Variants in CCDC9 observed in about 807,000 individuals in gnomAD.
The protein encoded by CCDC9 is coiled-coil domain containing 9.
In CCDC9, 52 loss-of-function variants were observed where a neutral mutation model predicts 65.6. The observed-to-expected ratio is 0.79, with a 90% CI of 0.63 to 1.00. The LOEUF is 1.00. Ranked by LOEUF, CCDC9 falls within the 50% of genes least tolerant of loss-of-function variation. The pLI, the probability that CCDC9 is intolerant of heterozygous loss-of-function variation, is 0.00. For missense variants in CCDC9, 834 were observed against 757.2 expected (o/e 1.10, Z -1.19); for synonymous variants, 332 against 280.3 (o/e 1.18, Z -1.84).
chr19:47,264,248 T>C (rs2059065060), intron 5 of CCDC9, among the ~76,000 whole-genome samples: 1 of 152,226 alleles, frequency 6.6e-6, no homozygotes, highest in Admixed American at 6.5e-5. Context: ...ACTCCTGGGC[T>C]GAAGCAATCC....
chr19:47,261,137 C>A (rs2059043161), intron 5 of CCDC9, among the ~76,000 whole-genome samples: 1 of 152,062 alleles, frequency 6.6e-6, no homozygotes, highest in African/African-American at 2.4e-5. Context: ...CCTTCCCTCC[C>A]CTCTCCTGCT....
At chr19:47,258,974 G>T (rs373782115) in intron 3 of CCDC9, among the ~76,000 whole-genome samples, 27 of 152,216 alleles carry the variant, frequency 1.8e-4, no homozygotes, top group African/African-American at 5.5e-4. Flanking sequence ...TGTCCTCAGG[G>T]ATGCCCCAGA....
chr19:47,267,852 T>A (rs1215830453), intron 8 of CCDC9, among the ~76,000 whole-genome samples: 1 of 152,074 alleles, frequency 6.6e-6, no homozygotes, highest in African/African-American at 2.4e-5. Flanking sequence ...CCTTTTTTTT[T>A]TTACTTTTTT....
At chr19:47,271,226 G>T (rs781424144) in intron 11 of CCDC9, 39 bp downstream of exon 11, 2 of 1,607,328 alleles carry the variant, frequency 1.2e-6, no homozygotes, top group East Asian at 2.2e-5. Context: ...GGCCTGGGGT[G>T]GGGGCTCAGG....
At chr19:47,275,650 T>G, downstream of CCDC9, 1 of 437,734 alleles carries the variant, frequency 2.3e-6, no homozygotes, top group Admixed American at 4.3e-5. Flanking sequence ...CCTCTTCACC[T>G]CCCTGAATCC....
intron 5 of CCDC9, among the ~76,000 whole-genome samples, chr19:47,263,768 G>C (rs996163730): frequency 3.9e-5 from 6 of 152,024 alleles, no homozygotes; most frequent in African/African-American, 1.4e-4. Context: ...GTTTCACCAT[G>C]TTGGCCAGGC....
In CCDC9 at chr19:47,271,437, C is replaced by T; in HGVS notation, c.1355C>T (p.Ala452Val). 1 of 1,613,902 alleles carries T rather than the reference C, an allele frequency of 6.2e-7. No homozygotes were observed. The highest frequency in any genetic ancestry group is 1.1e-5 in the South Asian group (1 of 91,080). The change falls in exon 12 of 12, where the codon GCC becomes GTC. Residue 452 changes from alanine to valine, a missense_variant. Transcript: ENST00000221922. The part of the protein sequence containing the change: ...DEEEPAQDHQ[A>V]PEAAPTGIPC... Reference sequence around the variant, plus strand: ...GAGGAACCAGCCCAAGACCACCAAGCCCCAGAGGCTGCCCCCACCGGGATC... The same window carrying T: ...GAGGAACCAGCCCAAGACCACCAAGTCCCAGAGGCTGCCCCCACCGGGATC...
At chr19:47,266,971 T>C (rs898134424) in intron 8 of CCDC9, among the ~76,000 whole-genome samples, 179 bp downstream of exon 8, 7 of 145,446 alleles carry the variant, frequency 4.8e-5, no homozygotes, top group African/African-American at 1.5e-4. Flanking sequence ...TCTGGTTTTC[T>C]TTTTTTTTTT....
rs772431480 is a variant in CCDC9, at chr19:47,260,714, G to A, written c.337G>A (p.Glu113Lys). The A allele has an allele frequency of 6.3e-7, 1 of 1,583,840 alleles. No individual in the cohort carries two copies. The highest frequency in any genetic ancestry group is 1.2e-5 in the South Asian group (1 of 86,730). The change falls in exon 5 of 12, where the codon GAG (glutamate) becomes AAG (lysine). Residue 113 changes from glutamate to lysine, a missense_variant. By Grantham distance (56) the Glu-to-Lys change is moderately conservative. Transcript: ENST00000221922. ...CATGGGCCGAGCATCGCGCAGCTGG[G>A]AGGGCAGCCCCGGGGAGCAGCCTCG... ...AGMGRASRSWEGSPGEQPRGG... is the reference protein window; with the variant it reads ...AGMGRASRSWKGSPGEQPRGG...
In CCDC9 at chr19:47,271,932, A is replaced by T. The variant is rs1568643270; in HGVS notation, c.*254A>T. ...CCCAGCCCTTCGAGCCCCCTCCCCA[A>T]TAAAGAATTCACATCCTCCAATGAC... On this transcript the variant is annotated 3_prime_UTR_variant, in exon 12 of 12. Coordinates refer to ENST00000221922, the MANE Select transcript of CCDC9 (RefSeq NM_015603.3). 7.7e-7 allele frequency: 1 copy of T among 1,297,976 alleles called. No homozygotes were observed. The highest frequency in any genetic ancestry group is 9.8e-7 in the Non-Finnish European group (1 of 1,025,168). 80.4% of individuals were successfully genotyped at this position (1,297,976 alleles called of 1,614,324 possible). A position where few individuals can be genotyped will look rare whatever the true frequency, so the allele number is the denominator to read the frequency against.
rs1450380001 is a variant in CCDC9, at chr19:47,271,664, T to C, written c.1582T>C (p.Phe528Leu). ...CCTCTCCCCGGGTGAGGCCTGGCCT[T>C]TTGAGAGTGTATGAAGCTGGCTGCC... The part of the protein sequence containing the change: ...GALSPGEAWP[F>L]ESV The change falls in exon 12 of 12, where the codon TTT (phenylalanine) becomes CTT (leucine). Residue 528 changes from phenylalanine (F) to leucine (L), a missense_variant. Transcript: ENST00000221922. The C allele has an allele frequency of 6.3e-7, 1 of 1,594,142 alleles. No homozygotes were observed. The highest frequency in any genetic ancestry group is 8.5e-7 in the Non-Finnish European group (1 of 1,170,750).
At chr19:47,258,280 G>A (rs2059023774) in intron 1 of CCDC9, 50 bp from the exon 2 acceptor site, 1 of 997,520 alleles carries the variant, frequency 1.0e-6, no homozygotes, top group Non-Finnish European at 1.6e-6. Context: ...AGAGGGTGAA[G>A]TAGGTTGGGG....
intron 7 of CCDC9, among the ~76,000 whole-genome samples, chr19:47,265,922 G>T (rs1485406028): frequency 7.0e-6 from 1 of 141,858 alleles, no homozygotes; most frequent in Non-Finnish European, 1.5e-5. Flanking sequence ...TCCTGACCTC[G>T]TGATCTGCCC....
At chr19:47,256,871 A>G (rs1236366326) in intron 1 of CCDC9, among the ~76,000 whole-genome samples, 2 of 151,266 alleles carry the variant, frequency 1.3e-5, no homozygotes, top group Admixed American at 1.3e-4. Context: ...GGGCGGGGCC[A>G]TAGTGTTGCT....
At chr19:47,267,027 T>C (rs1179816998) in intron 8 of CCDC9, among the ~76,000 whole-genome samples, 1 of 150,160 alleles carries the variant, frequency 6.7e-6, no homozygotes, top group Admixed American at 6.6e-5. Flanking sequence ...TGCAGTGGCG[T>C]GATCTCGGCT....
At chr19:47,257,031 A>T (rs1441351735) in intron 1 of CCDC9, among the ~76,000 whole-genome samples, 1 of 145,926 alleles carries the variant, frequency 6.9e-6, no homozygotes, top group Non-Finnish European at 1.5e-5. Context: ...GCGGGGCCAC[A>T]ATGTAGTGGG....
intron 8 of CCDC9, among the ~76,000 whole-genome samples, chr19:47,268,400 C>CT (rs2059096103): frequency 6.6e-6 from 1 of 152,050 alleles, no homozygotes; most frequent in African/African-American, 2.4e-5. Context: ...TTGGCTTTGG[C>CT]TAAGGAGGAT....
At chr19:47,272,188 G>C (rs1048045541), downstream of CCDC9, 60 of 1,224,002 alleles carry the variant, frequency 4.9e-5, no homozygotes, top group Middle Eastern at 3.1e-4. Flanking sequence ...GGCATGGGAT[G>C]GAGGCCGCTG....
At position 47,260,723 on chromosome 19, in the gene CCDC9, C is replaced by T. The variant is rs1459353491; in HGVS notation, c.346C>T (p.Pro116Ser). 2 of 1,592,732 alleles carry T rather than the reference C, an allele frequency of 1.3e-6. No individual in the cohort carries two copies. Among genetic ancestry groups the T allele is most frequent in the African/African-American group, 1.3e-5 (1 of 74,092 alleles). ...AGCATCGCGCAGCTGGGAGGGCAGC[C>T]CCGGGGAGCAGCCTCGAGGAGGAGG... ...GRASRSWEGSPGEQPRGGGAG... is the reference protein window; with the variant it reads ...GRASRSWEGSSGEQPRGGGAG... The change falls in exon 5 of 12, where the codon CCC (proline) becomes TCC (serine). Residue 116 changes from proline (P) to serine (S), a missense_variant. Transcript: ENST00000221922.
Sources: allele counts gnomAD v4.1 joint callset (sites outside exome capture counted in the v4.1 genomes callset), GRCh38; gene constraint gnomAD v4.1.1; transcripts MANE v1.5; gene names NCBI Gene and HGNC (gene_info 2026-07-23, HGNC 2026-07-21).